Variants in RNF40 observed in about 807,000 individuals in gnomAD.
RNF40 encodes E3 ubiquitin-protein ligase BRE1B.
In RNF40, 39 loss-of-function variants were observed where a neutral mutation model predicts 123.3. The observed-to-expected ratio is 0.32, with a 90% CI of 0.24 to 0.41. The LOEUF is 0.41. RNF40 is among the 10% of genes least tolerant of loss of function. The pLI is 1.00. For synonymous variants in RNF40, 538 were observed against 526.0 expected (o/e 1.02, Z -0.31); for missense variants, 1,003 against 1,319.9 (o/e 0.76, Z 3.72).
chr16:30,767,660 A>T (rs915861999), intron 11 of RNF40: 1 of 465,510 alleles, frequency 2.1e-6, no homozygotes, highest in Non-Finnish European at 3.8e-6. Context: ...AAAACAAAAA[A>T]CCCCACATAT....
Position 30,762,617 on chromosome 16 carries a change from T to C in RNF40, c.72T>C (p.Arg24=). ...GGCCCCCGGAAAAGAAGCTGAGTCG[T>C]GAGGAGAAGACCACCACGACTCTTA... is the stretch of plus-strand genomic sequence containing the variant. ...GSGPPEKKLS[R]EEKTTTTLIE... is the part of the protein sequence containing the mutation. The change falls in exon 2 of 20, where the codon CGT becomes CGC. Residue 24 remains arginine, a synonymous_variant. Coordinates refer to ENST00000324685, the MANE Select transcript of RNF40 (RefSeq NM_014771.4). 5.0e-6 allele frequency: 8 copies of C among 1,611,506 alleles called. No homozygotes were observed. Among genetic ancestry groups the C allele is most frequent in the Admixed American group, 1.7e-5 (1 of 59,606 alleles).
At chr16:30,764,907 C>G in intron 5 of RNF40, 31 bp from the exon 6 acceptor site, 1 of 1,604,032 alleles carries the variant, frequency 6.2e-7, no homozygotes, top group African/African-American at 1.3e-5. Flanking sequence ...TTGCCCTGAG[C>G]TGGGCTCTTA....
intron 19 of RNF40, among the ~76,000 whole-genome samples, chr16:30,772,613 C>T (rs1267860822): frequency 2.6e-5 from 4 of 152,136 alleles, no homozygotes; most frequent in East Asian, 1.9e-4. Flanking sequence ...CTGTGAGGAA[C>T]GGGAGTGAGT....
In RNF40 at chr16:30,768,946, C is replaced by A; in HGVS notation, c.2206C>A (p.Gln736Lys). Reference protein sequence around the residue: ...ALRRIRQAEEQIEHLQRKLGA... With the variant: ...ALRRIRQAEEKIEHLQRKLGA... ...GCGGCGCATTCGGCAGGCAGAGGAG[C>A]AGATAGAACACCTGCAGCGCAAGCT... Residue 736 changes from glutamine to lysine, a missense_variant, in exon 15 of 20, where the codon CAG (glutamine) becomes AAG (lysine). Transcript: ENST00000324685. This position sits in a 1 kb window ranked among gnomAD's most constrained non-coding sequence, Gnocchi z 4.1. 1 of 1,614,100 alleles carries A rather than the reference C, an allele frequency of 6.2e-7. No homozygotes were observed. The highest frequency in any genetic ancestry group is 2.2e-5 in the East Asian group (1 of 44,882).
chr16:30,765,583 A>T, intron 8 of RNF40, 84 bp downstream of exon 8: 2 of 1,267,826 alleles, frequency 1.6e-6, no homozygotes, highest in Non-Finnish European at 2.3e-6. Flanking sequence ...AAGGACAAAC[A>T]TCCATCTCTG....
In RNF40 at chr16:30,768,427, C is replaced by T. The variant is rs1256719278; in HGVS notation, c.1876C>T (p.Pro626Ser). Residue 626 changes from proline to serine, a missense_variant, in exon 13 of 20, where the codon CCT becomes TCT. By Grantham distance (74) the Pro-to-Ser change is moderately conservative. Transcript: ENST00000324685. This position sits in a 1 kb window ranked among gnomAD's most constrained non-coding sequence, Gnocchi z 4.1. ...GGAAGGTCCCAGCCTAGGACCTCCA[C>T]CTGTAGCCTCCGCTCTCTCAAGGGC... ...EREGPSLGPP[P>S]VASALSRADR... 1.9e-6 allele frequency: 3 copies of T among 1,613,658 alleles called. No homozygotes were observed. Among genetic ancestry groups the T allele is most frequent in the African/African-American group, 1.3e-5 (1 of 75,012 alleles).
In RNF40 at chr16:30,775,253, A is replaced by G. The variant is rs2054213305; in HGVS notation, c.*1139A>G. On this transcript the variant is annotated 3_prime_UTR_variant, in exon 20 of 20. Coordinates refer to ENST00000324685, the MANE Select transcript of RNF40 (RefSeq NM_014771.4). ...CCGATTTTAGCTGCAGCAGCTGAGC[A>G]GCACTTTGCTGGCTTGGTGTGAGCC... 5.9e-6 allele frequency: 2 copies of G among 340,576 alleles called. No homozygotes were observed. Among genetic ancestry groups the G allele is most frequent in the African/African-American group, 4.3e-5 (2 of 46,270 alleles). 21.1% of individuals were successfully genotyped at this position (340,576 alleles called of 1,614,324 possible). A position where few individuals can be genotyped will look rare whatever the true frequency, so the allele number is the denominator to read the frequency against.
Position 30,766,792 on chromosome 16 carries a change from G to C in RNF40, c.1345G>C (p.Glu449Gln). 1.9e-6 allele frequency: 3 copies of C among 1,614,080 alleles called. No homozygotes were observed. The highest frequency in any genetic ancestry group is 2.5e-6 in the Non-Finnish European group (3 of 1,180,014). Residue 449 changes from glutamate to glutamine, a missense_variant, in exon 11 of 20, where the codon GAG becomes CAG. Physicochemically the swap from Glu to Gln is conservative, Grantham distance 29. This residue lies in a region of RNF40 where 274 missense variants were observed against 356.9 expected (regional missense o/e 0.77). Coordinates refer to ENST00000324685, the MANE Select transcript of RNF40 (RefSeq NM_014771.4). The surrounding 1 kb of genome is among the most constrained non-coding windows in gnomAD (Gnocchi z 5.4). ...GCTACGCACAGAGGTCATTCAGCTG[G>C]AGGACACGCTGGCCCAGGTACGCAA... is the stretch of plus-strand genomic sequence containing the variant. ...KKLRTEVIQLEDTLAQVRKEY... is the reference protein window; with the variant it reads ...KKLRTEVIQLQDTLAQVRKEY...
chr16:30,764,824 G>A (rs992908995), intron 5 of RNF40, 114 bp from the exon 6 acceptor site: 3 of 1,446,252 alleles, frequency 2.1e-6, no homozygotes, highest in Non-Finnish European at 2.8e-6. Context: ...TTTGTCATGA[G>A]AAATGGGCAA....
intron 18 of RNF40, 40 bp downstream of exon 18, chr16:30,772,013 G>A (rs1337449027): frequency 6.3e-7 from 1 of 1,585,284 alleles, no homozygotes; most frequent in South Asian, 1.1e-5. Context: ...GGTGGTCCAC[G>A]GTCACGGACC....
intron 5 of RNF40, 143 bp from the exon 6 acceptor site, chr16:30,764,795 G>T (rs924746558): frequency 1.7e-6 from 2 of 1,191,752 alleles, no homozygotes; most frequent in East Asian, 2.4e-5. Context: ...TCTGTGCAGT[G>T]GGGATAAAGA....
intron 2 of RNF40, 28 bp downstream of exon 2, chr16:30,762,705 G>A: frequency 6.2e-7 from 1 of 1,607,540 alleles, no homozygotes; most frequent in Non-Finnish European, 8.5e-7. Context: ...TTAACCCTCA[G>A]AACTTCCCAG....
At position 30,763,424 on chromosome 16, in the gene RNF40, G is replaced by A; in HGVS notation, c.307G>A (p.Glu103Lys). ...IVNRYWAQLD[E>K]TVEALLRCHE... ...TGATGTTTTCTCCTTCCAGCTGGAT[G>A]AAACTGTGGAAGCCCTTCTCCGATG... The change falls in exon 4 of 20, where the codon GAA becomes AAA. Residue 103 changes from glutamate (E) to lysine (K), a missense_variant. Coordinates refer to ENST00000324685, the MANE Select transcript of RNF40 (RefSeq NM_014771.4). 6.2e-7 allele frequency: 1 copy of A among 1,604,812 alleles called. No homozygotes were observed. The highest frequency in any genetic ancestry group is 8.5e-7 in the Non-Finnish European group (1 of 1,175,480).
At chr16:30,761,796 G>A (rs1247511829), upstream of RNF40, 7 of 1,476,710 alleles carry the variant, frequency 4.7e-6, no homozygotes, top group Non-Finnish European at 6.3e-6. Context: ...CCGCCGCCTA[G>A]GTTCCAGGAC....
Position 30,763,100 on chromosome 16 carries a change from C to G in RNF40, c.133-18C>G. The G allele has an allele frequency of 6.2e-7, 1 of 1,613,252 alleles. No homozygotes were observed. The highest frequency in any genetic ancestry group is 8.5e-7 in the Non-Finnish European group (1 of 1,179,850). On this transcript the variant is annotated intron_variant, in intron 2 of 19. Coordinates refer to ENST00000324685, the MANE Select transcript of RNF40 (RefSeq NM_014771.4). ...CCCTGCTTGACGCTCTCGTCGGCCC[C>G]TTTGTTTCCTTTGGTAGGAGGAGAT...
chr16:30,772,372 G>T (rs1470054039), intron 19 of RNF40, 182 bp downstream of exon 19: 8 of 682,026 alleles, frequency 1.2e-5, no homozygotes, highest in Non-Finnish European at 2.7e-6. Context: ...CACAGTGCTT[G>T]GCTGGGTGTG....
rs759964633 is a variant in RNF40, at chr16:30,774,117, C to T, written c.*3C>T. 1.2e-6 allele frequency: 2 copies of T among 1,610,596 alleles called. No homozygotes were observed. The highest frequency in any genetic ancestry group is 2.2e-5 in the South Asian group (2 of 90,878). ...TCCATCGTATCTACATCAGCTGAAC[C>T]TGAAACTCAGGGGACTCTGGAACAC... On this transcript the variant is annotated 3_prime_UTR_variant, in exon 20 of 20. Transcript: ENST00000324685.
At position 30,768,460 on chromosome 16, in the gene RNF40, G is replaced by C; in HGVS notation, c.1909G>C (p.Glu637Gln). 6.2e-7 allele frequency: 1 copy of C among 1,612,318 alleles called. No homozygotes were observed. Among genetic ancestry groups the C allele is most frequent in the Non-Finnish European group, 8.5e-7 (1 of 1,179,030 alleles). Reference sequence around the variant, plus strand: ...CTCCGCTCTCTCAAGGGCTGATCGGGAGAAGGCCAAGGTGGAAGAAACCAA... The same window carrying C: ...CTCCGCTCTCTCAAGGGCTGATCGGCAGAAGGCCAAGGTGGAAGAAACCAA... Reference protein sequence around the residue: ...VASALSRADREKAKVEETKRK... With the variant: ...VASALSRADRQKAKVEETKRK... The change falls in exon 13 of 20, where the codon GAG becomes CAG. Residue 637 changes from glutamate to glutamine, a missense_variant. By Grantham distance (29) the Glu-to-Gln change is conservative. Coordinates refer to ENST00000324685, the MANE Select transcript of RNF40 (RefSeq NM_014771.4). The surrounding 1 kb of genome is among the most constrained non-coding windows in gnomAD (Gnocchi z 4.1).
intron 17 of RNF40, among the ~76,000 whole-genome samples, chr16:30,771,258 A>G (rs1180615090): frequency 6.6e-6 from 1 of 152,146 alleles, no homozygotes; most frequent in African/African-American, 2.4e-5. Context: ...GCTGAGGCCC[A>G]GGGGAGCTGC....
Sources: gnomAD v4.1 joint callset for allele counts (sites outside exome capture counted in the v4.1 genomes callset) on GRCh38, gnomAD v4.1.1 for gene constraint, gnomAD v4.1.1 regional missense constraint, Gnocchi (gnomAD v3.1) non-coding constraint, MANE v1.5 for transcripts, NCBI Gene and HGNC (gene_info 2026-07-23, HGNC 2026-07-21) for gene names.